INTS8: variants seen among roughly 807,000 people sequenced by gnomAD.
INTS8 encodes the protein protein kaonashi-1.
INTS8 carries 47 observed loss-of-function variants against 138.9 expected under a neutral mutation model. That is an observed-to-expected ratio of 0.34 (90% CI 0.27 to 0.43). The LOEUF (loss-of-function observed/expected upper bound fraction) is 0.43, where lower values mean the gene tolerates loss of function less well. Ranked by LOEUF, INTS8 falls within the 20% of genes least tolerant of loss-of-function variation. INTS8 has a pLI of 1.00. For missense variants in INTS8, 996 were observed against 1,173.0 expected (o/e 0.85, Z 2.20); for synonymous variants, 392 against 400.9 (o/e 0.98, Z 0.27).
intron 20 of INTS8, among the ~76,000 whole-genome samples, chr8:94,869,885 A>C (rs1278473102): frequency 6.6e-6 from 1 of 152,098 alleles, no homozygotes. Context: ...AATGAGGCAA[A>C]AGAATTGTTT....
rs549723178 is a variant in INTS8 at position 94,847,521 on chromosome 8, ATTT to A, written c.1261-1936_1261-1934del. Among the ~76,000 whole-genome samples, 1,069 of 152,104 alleles carry A rather than the reference ATTT, an allele frequency of 7.0e-3. 8 individuals are homozygous for A. The highest frequency in any genetic ancestry group is 0.01 in the South Asian group (50 of 4,816). On this transcript the variant is annotated intron_variant, in intron 10 of 26. Coordinates refer to ENST00000523731, the MANE Select transcript of INTS8 (RefSeq NM_017864.4). ...TACCAGTAAAGTCTGGGCCTGGGTA[ATTT>A]TTTTGTGGGAAGGTTTTTGATCAGT...
chr8:94,855,411 C>A (rs1815708095), intron 14 of INTS8, among the ~76,000 whole-genome samples: 1 of 152,118 alleles, frequency 6.6e-6, no homozygotes, highest in African/African-American at 2.4e-5. Flanking sequence ...TTGGACTAGT[C>A]ACATTTCACA....
chr8:94,843,750 C>T (rs1344493447), intron 10 of INTS8, among the ~76,000 whole-genome samples: 2 of 152,048 alleles, frequency 1.3e-5, no homozygotes, highest in East Asian at 3.9e-4. Flanking sequence ...GCATACGTAC[C>T]AGTTTATGTT....
chr8:94,873,319 A>C, intron 21 of INTS8, 55 bp from the exon 22 acceptor site: 3 of 1,163,414 alleles, frequency 2.6e-6, no homozygotes, highest in Non-Finnish European at 3.9e-6. Flanking sequence ...TTACAAAGGA[A>C]TCCCTGTTTT....
intron 8 of INTS8, 57 bp downstream of exon 8, chr8:94,838,675 A>G: frequency 7.1e-7 from 1 of 1,413,822 alleles, no homozygotes; most frequent in Non-Finnish European, 9.9e-7. Context: ...AACTAAGTTC[A>G]AATCCTCGCA....
chr8:94,831,015 C>T (rs1169649720), intron 5 of INTS8, among the ~76,000 whole-genome samples: 1 of 152,158 alleles, frequency 6.6e-6, no homozygotes, highest in Non-Finnish European at 1.5e-5. Flanking sequence ...TCAGGCTGGT[C>T]TTGAACTCCT....
intron 1 of INTS8, 63 bp downstream of exon 1, chr8:94,823,624 C>G (rs1359083589): frequency 7.6e-7 from 1 of 1,315,030 alleles, no homozygotes; most frequent in Non-Finnish European, 1.0e-6. Context: ...GCCCAGCTTC[C>G]CTCCGCTCCC....
intron 12 of INTS8, among the ~76,000 whole-genome samples, chr8:94,850,663 A>C (rs1815507176): frequency 6.6e-6 from 1 of 151,768 alleles, no homozygotes; most frequent in African/African-American, 2.4e-5. Flanking sequence ...CCAAGGTAAC[A>C]CTGCTGCCAG....
At chr8:94,827,923 G>A (rs1814571540) in intron 4 of INTS8, 130 bp downstream of exon 4, 8 of 785,176 alleles carry the variant, frequency 1.0e-5, no homozygotes, top group South Asian at 9.3e-5. Flanking sequence ...CCTGTGTGAA[G>A]GTTTGTTTGA....
chr8:94,864,865 C>T (rs1816119071), intron 16 of INTS8: 2 of 152,194 alleles, frequency 1.3e-5, no homozygotes, highest in Non-Finnish European at 2.9e-5. Context: ...TGTAACCTGT[C>T]CTGCCTTAAT....
chr8:94,854,883 C>T (rs1815687506), intron 14 of INTS8, among the ~76,000 whole-genome samples: 1 of 151,706 alleles, frequency 6.6e-6, no homozygotes, highest in African/African-American at 2.4e-5. Context: ...AGGCATGTGC[C>T]ACCATGCCCA....
chr8:94,842,094 T>A (rs1449599758), intron 9 of INTS8, among the ~76,000 whole-genome samples: 1 of 151,666 alleles, frequency 6.6e-6, no homozygotes, highest in East Asian at 1.9e-4. Context: ...AAAAACTGCT[T>A]GGGAGAAAAA....
Position 94,881,102 on chromosome 8 carries a change from A to G in INTS8, c.*868A>G, listed in dbSNP as rs1458136289. 3 of 396,842 alleles carry G rather than the reference A, an allele frequency of 7.6e-6. No homozygotes were observed. Among genetic ancestry groups the G allele is most frequent in the East Asian group, 3.6e-5 (1 of 27,956 alleles). The allele number at this position is 396,842 out of a possible 1,614,324, so 24.6% of individuals were successfully genotyped here. On this transcript the variant is annotated 3_prime_UTR_variant, in exon 27 of 27. Transcript: ENST00000523731. ...AATTCAAGTTTTATAATAGCTTGCT[A>G]TAGCAGCTATAGATAAATTAGTCAC...
At chr8:94,878,885 T>A (rs6987256) in intron 26 of INTS8, among the ~76,000 whole-genome samples, 109 of 152,028 alleles carry the variant, frequency 7.2e-4, no homozygotes, top group African/African-American at 2.5e-3. Context: ...ATTGGATTAC[T>A]TTCTCTATTT....
At chr8:94,878,193 C>G (rs938202983) in intron 26 of INTS8, among the ~76,000 whole-genome samples, 4 of 152,166 alleles carry the variant, frequency 2.6e-5, no homozygotes, top group African/African-American at 9.7e-5. Flanking sequence ...GGTGCCACTG[C>G]CAAACAAGTC....
chr8:94,841,571 C>T lies in INTS8; in HGVS notation c.1098C>T (p.Leu366=). Residue 366 remains leucine, a synonymous_variant, in exon 9 of 27, where the codon CTC becomes CTT. Coordinates refer to ENST00000523731, the MANE Select transcript of INTS8 (RefSeq NM_017864.4). ...TCCGACAGTCAGTCCTAAGAGAACT[C>T]TTTAAGAAAGCTCAACAGGGGTAAG... The part of the protein sequence containing the change: ...VQFRQSVLRE[L]FKKAQQGNEA... 1 of 1,592,046 alleles carries T rather than the reference C, an allele frequency of 6.3e-7. No individual in the cohort carries two copies. Among genetic ancestry groups the T allele is most frequent in the Non-Finnish European group, 8.6e-7 (1 of 1,166,540 alleles).
intron 10 of INTS8, among the ~76,000 whole-genome samples, chr8:94,844,458 A>G (rs764243989): frequency 6.6e-6 from 1 of 152,004 alleles, no homozygotes; most frequent in East Asian, 1.9e-4. Context: ...CTGGGATTAC[A>G]GGTGCCCACC....
intron 26 of INTS8, among the ~76,000 whole-genome samples, chr8:94,877,003 T>TA (rs1315968963): frequency 2.6e-5 from 4 of 152,300 alleles, no homozygotes; most frequent in African/African-American, 2.4e-5. Context: ...CCAGTACTCT[T>TA]ACTCTCATTT....
At position 94,824,766 on chromosome 8, in the gene INTS8, CAAA is replaced by C. The variant is rs201131859; in HGVS notation, c.131-119_131-117del. On this transcript the variant is annotated intron_variant, in intron 1 of 26. Transcript: ENST00000523731. The stretch of plus-strand genomic sequence containing the variant: ...GCAGCTGTTTGGATTCCTTTTGTGG[CAAA>C]AAAAAAACCCAAACTCCCCCCCCCC... The C allele has an allele frequency of 3.5e-3, 1,165 of 334,734 alleles. 19 individuals carry two copies. The highest frequency in any genetic ancestry group is 0.029 in the South Asian group (1,144 of 39,774). The allele number at this position is 334,734 out of a possible 1,614,324, so 20.7% of individuals were successfully genotyped here.
Sources: allele counts gnomAD v4.1 joint callset (sites outside exome capture counted in the v4.1 genomes callset), GRCh38; gene constraint gnomAD v4.1.1; transcripts MANE v1.5; gene names NCBI Gene and HGNC (gene_info 2026-07-23, HGNC 2026-07-21).